Variants in RPS6KC1 observed in about 807,000 individuals in gnomAD.
The protein encoded by RPS6KC1 is inactive ribosomal protein S6 kinase delta-1.
RPS6KC1 carries 54 observed loss-of-function variants against 103.8 expected under a neutral mutation model. The ratio of observed to expected loss-of-function variants is 0.52; its 90% CI spans 0.42 to 0.65. The LOEUF is 0.65. Ranked by LOEUF, RPS6KC1 falls within the 30% of genes least tolerant of loss-of-function variation. The pLI is 0.00. For synonymous variants in RPS6KC1, 439 were observed against 438.7 expected, an observed-to-expected ratio of 1.00 and a Z score of -0.01; for missense variants, 1,151 against 1,253.8, an observed-to-expected ratio of 0.92 and a Z score of 1.24.
At chr1:213,327,656 T>G in the RPS6KC1 span, among the ~76,000 whole-genome samples, 1 of 152,202 alleles carries the variant, frequency 6.6e-6, no homozygotes, top group East Asian at 1.9e-4. Flanking sequence ...AGGTTCAGTA[T>G]GAGACAAGAG....
At chr1:213,191,756 G>A (rs965506306) in intron 8 of RPS6KC1, among the ~76,000 whole-genome samples, 3 of 151,916 alleles carry the variant, frequency 2.0e-5, no homozygotes, top group Admixed American at 6.6e-5. Flanking sequence ...CCCCCATTCA[G>A]TGTGATACTA....
chr1:213,591,551 C>T, the RPS6KC1 span, among the ~76,000 whole-genome samples: 4 of 152,182 alleles, frequency 2.6e-5, no homozygotes, highest in East Asian at 1.9e-4. Context: ...GTGCCAGGGG[C>T]GGTCTGTGCT....
the RPS6KC1 span, among the ~76,000 whole-genome samples, chr1:213,848,232 C>T: frequency 3.9e-5 from 6 of 152,088 alleles, no homozygotes. Flanking sequence ...GAAATCACCA[C>T]CACAATCAAG....
At chr1:213,482,705 C>G in the RPS6KC1 span, among the ~76,000 whole-genome samples, 4 of 151,590 alleles carry the variant, frequency 2.6e-5, no homozygotes, top group African/African-American at 9.7e-5. Flanking sequence ...TGCACCACCA[C>G]GCCCAGCTAA....
the RPS6KC1 span, among the ~76,000 whole-genome samples, chr1:213,284,252 C>T: frequency 6.6e-6 from 1 of 152,302 alleles, no homozygotes; most frequent in African/African-American, 2.4e-5. Flanking sequence ...CACACTGGCC[C>T]ATGCCTGTAA....
At chr1:213,648,394 T>C in the RPS6KC1 span, among the ~76,000 whole-genome samples, 1 of 152,284 alleles carries the variant, frequency 6.6e-6, no homozygotes, top group Non-Finnish European at 1.5e-5. Flanking sequence ...GTTTGCATCA[T>C]CTTGGTGCAA....
the RPS6KC1 span, among the ~76,000 whole-genome samples, chr1:213,420,789 A>G: frequency 1.7e-4 from 26 of 152,114 alleles, no homozygotes; most frequent in African/African-American, 6.0e-4. Flanking sequence ...TTACTCTCAC[A>G]CTTCCGGAGG....
chr1:213,604,302 C>A, the RPS6KC1 span, among the ~76,000 whole-genome samples: 1 of 152,248 alleles, frequency 6.6e-6, no homozygotes, highest in Admixed American at 6.5e-5. Flanking sequence ...AAGAAACTTT[C>A]CCATACTATC....
At chr1:213,409,096 T>A in the RPS6KC1 span, among the ~76,000 whole-genome samples, 1 of 152,038 alleles carries the variant, frequency 6.6e-6, no homozygotes, top group Non-Finnish European at 1.5e-5. Flanking sequence ...AAGAGCACGT[T>A]GGAGTGGATT....
At chr1:213,775,712 C>G in the RPS6KC1 span, among the ~76,000 whole-genome samples, 60 of 152,052 alleles carry the variant, frequency 3.9e-4, no homozygotes, top group African/African-American at 1.4e-3. Flanking sequence ...TTTTTAAAAA[C>G]AAGACAACAA....
chr1:213,123,408 T>G (rs2084618691), intron 5 of RPS6KC1, among the ~76,000 whole-genome samples: 2 of 151,366 alleles, frequency 1.3e-5, no homozygotes, highest in Admixed American at 1.3e-4. Context: ...GGGCTTATTT[T>G]GTTGTTTTAC....
At chr1:213,419,988 T>G in the RPS6KC1 span, among the ~76,000 whole-genome samples, 2 of 152,210 alleles carry the variant, frequency 1.3e-5, no homozygotes, top group Non-Finnish European at 2.9e-5. Flanking sequence ...ACACATGAGC[T>G]TAGTTGATGC....
chr1:213,664,205 T>TG, the RPS6KC1 span, among the ~76,000 whole-genome samples: 11 of 44,890 alleles, frequency 2.5e-4, no homozygotes, highest in African/African-American at 2.9e-4. Context: ...GGGGGCGGGG[T>TG]GGGGAGGGGA....
At chr1:213,396,303 G>A in the RPS6KC1 span, among the ~76,000 whole-genome samples, 1 of 152,170 alleles carries the variant, frequency 6.6e-6, no homozygotes, top group East Asian at 1.9e-4. Context: ...TGGGCATGGT[G>A]GTGTCTGGAG....
the RPS6KC1 span, among the ~76,000 whole-genome samples, chr1:213,743,855 G>T: frequency 1.3e-5 from 2 of 152,214 alleles, no homozygotes; most frequent in Non-Finnish European, 2.9e-5. Context: ...GCCAAAGAGT[G>T]CTTGAGGAAA....
the RPS6KC1 span, among the ~76,000 whole-genome samples, chr1:213,327,236 A>AAAAG: frequency 0.082 from 11,821 of 144,610 alleles, 547 homozygotes; most frequent in African/African-American, 0.11. Context: ...GAAAGAAAAG[A>AAAAG]AAAGAAAGAA....
rs144593105 is a variant in RPS6KC1 at position 213,240,949 on chromosome 1, A to C, written c.1473A>C (p.Gln491His). ...ACAGCAACCAGGAAGATGATGGCCAAGATAGCTCTCCAAAGTGGCCAGATT... is the reference window on the plus strand; with the variant it reads ...ACAGCAACCAGGAAGATGATGGCCACGATAGCTCTCCAAAGTGGCCAGATT... ...QDDSNQEDDGQDSSPKWPDSG... is the reference protein window; with the variant it reads ...QDDSNQEDDGHDSSPKWPDSG... Residue 491 changes from glutamine (Q) to histidine (H), a missense_variant, in exon 11 of 15, where the codon CAA becomes CAC. Coordinates refer to ENST00000366960, the MANE Select transcript of RPS6KC1 (RefSeq NM_012424.6). The C allele has an allele frequency of 5.0e-6, 8 of 1,613,790 alleles. No individual in the cohort carries two copies. Among genetic ancestry groups the C allele is most frequent in the Non-Finnish European group, 6.8e-6 (8 of 1,179,952 alleles).
the RPS6KC1 span, among the ~76,000 whole-genome samples, chr1:213,807,413 A>C: frequency 6.6e-6 from 1 of 152,226 alleles, no homozygotes; most frequent in South Asian, 2.1e-4. Context: ...ACTTTCAGGT[A>C]CACCAATCAG....
At chr1:213,142,768 C>A (rs74906531) in intron 6 of RPS6KC1, among the ~76,000 whole-genome samples, 2,894 of 152,022 alleles carry the variant, frequency 0.019, 101 homozygotes, top group African/African-American at 0.064. Flanking sequence ...CTCGGATGAT[C>A]GTTGTCATTT....
Sources: allele counts gnomAD v4.1 joint callset (sites outside exome capture counted in the v4.1 genomes callset), GRCh38; gene constraint gnomAD v4.1.1; transcripts MANE v1.5; gene names NCBI Gene and HGNC (gene_info 2026-07-23, HGNC 2026-07-21).